The following BRWD1 variants were observed in gnomAD, a reference collection of about 807,000 sequenced individuals.
BRWD1 encodes bromodomain and WD repeat domain containing 1, also known as bromodomain and WD repeat-containing protein 1.
A neutral mutation model predicts 251.2 loss-of-function variants in BRWD1; 82 were observed. The observed-to-expected ratio is 0.33, with a 90% CI of 0.27 to 0.39. The LOEUF (loss-of-function observed/expected upper bound fraction) is 0.39. Among genes scored for constraint, BRWD1 ranks in the 10% least tolerant of loss-of-function variants. The pLI, the probability that BRWD1 is intolerant of heterozygous loss-of-function variation, is 1.00. For missense variants in BRWD1, 2,233 were observed against 2,711.6 expected, an observed-to-expected ratio of 0.82 and a Z score of 3.92; for synonymous variants, 918 against 902.8, an observed-to-expected ratio of 1.02 and a Z score of -0.30.
At chr21:39,234,623 C>A (rs1285933124) in intron 23 of BRWD1, among the ~76,000 whole-genome samples, 1 of 152,182 alleles carries the variant, frequency 6.6e-6, no homozygotes, top group Admixed American at 6.5e-5. Context: ...CCCACTCAAC[C>A]AACCCAGAGT....
chr21:39,257,945 A>C, intron 18 of BRWD1, among the ~76,000 whole-genome samples: 1 of 152,196 alleles, frequency 6.6e-6, no homozygotes, highest in East Asian at 1.9e-4. Flanking sequence ...CTGTAAGTTT[A>C]AGAGAAAAAA....
rs1168256923 is a variant in BRWD1, at chr21:39,313,307, A to G, written c.50-8T>C. 6.4e-7 allele frequency: 1 copy of G among 1,553,530 alleles called. No homozygotes were observed. The highest frequency in any genetic ancestry group is 8.8e-7 in the Non-Finnish European group (1 of 1,142,272). On this transcript the variant is annotated splice_polypyrimidine_tract_variant and splice_region_variant and intron_variant, in intron 1 of 40. Transcript: ENST00000342449. Reference sequence around the variant, plus strand: ...CGATAAGGAAGTACAGCTCTGCGGGAAGACAAGGAGTCAGGTCAAGCCCCG... The same window carrying G: ...CGATAAGGAAGTACAGCTCTGCGGGGAGACAAGGAGTCAGGTCAAGCCCCG...
chr21:39,293,886 A>G lies in BRWD1; in HGVS notation c.756T>C (p.Ile252=), dbSNP rs1187237369. The G allele has an allele frequency of 1.2e-6, 2 of 1,614,150 alleles. No homozygotes were observed. The highest frequency in any genetic ancestry group is 8.5e-7 in the Non-Finnish European group (1 of 1,180,040). Residue 252 remains isoleucine (I), a synonymous_variant, in exon 8 of 41, where the codon ATT becomes ATC. Transcript: ENST00000342449. ...CACAAGTTCTCAAGCACCACACTCT[A>G]ATAATTTTATCACAGCTCCCCGCAG... is the stretch of plus-strand genomic sequence containing the variant. The part of the protein sequence containing the change: ...MIAAGSCDKI[I]RVWCLRTCAP...
intron 18 of BRWD1, among the ~76,000 whole-genome samples, chr21:39,257,471 T>G (rs2034596423): frequency 6.6e-6 from 1 of 152,122 alleles, no homozygotes; most frequent in Non-Finnish European, 1.5e-5. Context: ...AAAGTACCAG[T>G]GCTCTGAGGA....
rs567699804 is a variant in BRWD1, at chr21:39,306,674, T to C, written c.198+6167A>G. On this transcript the variant is annotated intron_variant, in intron 4 of 40. Transcript: ENST00000342449. ...CTCATTAAGATTTAAAGAAATATAT[T>C]GGAGTAGTCCTTTTGTGTGAGGAAC... Among the ~76,000 whole-genome samples the C allele has an allele frequency of 2.4e-4, 37 of 152,318 alleles. 1 individual carries two copies. The South Asian group carries it at 7.7e-3, about 32-fold the overall frequency.
upstream of BRWD1, among the ~76,000 whole-genome samples, chr21:39,316,439 G>A (rs2836981): frequency 0.62 from 94,659 of 152,092 alleles, 29,771 homozygotes; most frequent in African/African-American, 0.68. Flanking sequence ...AAGATTACCA[G>A]TGTTACCAAA....
chr21:39,217,018 T>C (rs1348130508), intron 31 of BRWD1: 1 of 20,804 alleles, frequency 4.8e-5, no homozygotes, highest in African/African-American at 1.8e-4. Context: ...CAAATATATA[T>C]ATATATATAT....
Position 39,218,498 on chromosome 21 carries a change from A to G in BRWD1, c.3538+7T>C. On this transcript the variant is annotated splice_region_variant and intron_variant, in intron 30 of 40. Transcript: ENST00000342449. ...AAACTTTTCATCCTAAAAAATAAAA[A>G]ACTTACCAAGATTCAAAAGTTGATC... The G allele has an allele frequency of 6.4e-7, 1 of 1,566,544 alleles. No individual in the cohort carries two copies. The highest frequency in any genetic ancestry group is 1.2e-5 in the South Asian group (1 of 82,566).
chr21:39,243,752 T>C (rs898933322), intron 21 of BRWD1, among the ~76,000 whole-genome samples: 3 of 152,014 alleles, frequency 2.0e-5, no homozygotes, highest in South Asian at 4.1e-4. Context: ...GCACCCAGCC[T>C]GATTTTGATA....
At chr21:39,243,974 G>A (rs1193204450) in intron 21 of BRWD1, among the ~76,000 whole-genome samples, 1 of 152,082 alleles carries the variant, frequency 6.6e-6, no homozygotes, top group Non-Finnish European at 1.5e-5. Context: ...ACAGATAGGA[G>A]GCATTCAATA....
chr21:39,297,735 C>T, intron 5 of BRWD1: 2 of 416,036 alleles, frequency 4.8e-6, no homozygotes, highest in Non-Finnish European at 6.5e-6. Context: ...ATCACATCAG[C>T]AATAGCTCGT....
Position 39,272,310 on chromosome 21 carries a change from A to T in BRWD1, c.1245-1877T>A, listed in dbSNP as rs543172969. ...CATGTACCCTAAAACTTAAATAAAT[A>T]AAAAAAAAAAAAAAGACCATCCTGG... On this transcript the variant is annotated intron_variant, in intron 13 of 40. Transcript: ENST00000342449. Among the ~76,000 whole-genome samples the T allele has an allele frequency of 5.7e-4, 35 of 61,768 alleles. No individual in the cohort carries two copies. The East Asian group carries it at 8.1e-3, about 14-fold the overall frequency. The allele number at this position is 61,768 out of a possible 152,430, so 40.5% of individuals were successfully genotyped here. A position where few individuals can be genotyped will look rare whatever the true frequency, so the allele number is the denominator to read the frequency against.
intron 10 of BRWD1, 185 bp downstream of exon 10, chr21:39,278,558 G>T: frequency 1.9e-6 from 1 of 529,946 alleles, no homozygotes; most frequent in Non-Finnish European, 3.4e-6. Flanking sequence ...CCAGAAATCA[G>T]AGAAAGGCAG....
chr21:39,295,968 C>G, intron 6 of BRWD1, 65 bp from the exon 7 acceptor site: 1 of 1,362,696 alleles, frequency 7.3e-7, no homozygotes, highest in South Asian at 1.8e-5. Context: ...AAGAAAAACT[C>G]AAATAACAAT....
Position 39,196,001 on chromosome 21 carries a change from T to A in BRWD1, c.*258A>T. On this transcript the variant is annotated 3_prime_UTR_variant, in exon 41 of 41. Transcript: ENST00000342449. ...TAGTGTTTAACATATTTCAAACTCT[T>A]GCTATATGTAGTCAAATACTGTCAA... The A allele has an allele frequency of 8.6e-7, 1 of 1,159,636 alleles. No homozygotes were observed. The highest frequency in any genetic ancestry group is 1.1e-6 in the Non-Finnish European group (1 of 942,074). The allele number at this position is 1,159,636 out of a possible 1,614,324, so 71.8% of individuals were successfully genotyped here.
chr21:39,286,344 T>C (rs2146723216), intron 8 of BRWD1, among the ~76,000 whole-genome samples: 1 of 151,054 alleles, frequency 6.6e-6, no homozygotes, highest in African/African-American at 2.4e-5. Context: ...AAGTCAACAA[T>C]TCAGTGGCAT....
chr21:39,190,818 G>C lies in BRWD1; in HGVS notation c.*5441C>G. On this transcript the variant is annotated 3_prime_UTR_variant, in exon 41 of 41. Coordinates refer to ENST00000342449, the MANE Select transcript of BRWD1 (RefSeq NM_033656.4). Reference sequence around the variant, plus strand: ...GCAGTATGGCAGCATCAGGTCAAAAGACCATCAGAAATAATTCCATGAACT... The same window carrying C: ...GCAGTATGGCAGCATCAGGTCAAAACACCATCAGAAATAATTCCATGAACT... 1.0e-6 allele frequency: 1 copy of C among 985,312 alleles called. No homozygotes were observed. Among genetic ancestry groups the C allele is most frequent in the Non-Finnish European group, 1.2e-6 (1 of 829,890 alleles). The allele number at this position is 985,312 out of a possible 1,614,324, so 61.0% of individuals were successfully genotyped here.
intron 23 of BRWD1, among the ~76,000 whole-genome samples, chr21:39,234,144 AATGT>A (rs1366087337): frequency 1.2e-4 from 19 of 152,244 alleles, no homozygotes; most frequent in African/African-American, 4.3e-4. Context: ...CTCTAACTGG[AATGT>A]ATCTTTTTCA....
At chr21:39,272,469 G>A (rs2035148365) in intron 13 of BRWD1, among the ~76,000 whole-genome samples, 1 of 151,672 alleles carries the variant, frequency 6.6e-6, no homozygotes, top group Non-Finnish European at 1.5e-5. Context: ...AGGGCTTGCA[G>A]TGAGCAGAGA....
Sources: gnomAD v4.1 joint callset for allele counts (sites outside exome capture counted in the v4.1 genomes callset) on GRCh38, gnomAD v4.1.1 for gene constraint, MANE v1.5 for transcripts, NCBI Gene and HGNC (gene_info 2026-07-23, HGNC 2026-07-21) for gene names.